The following PDE4A variants were observed in gnomAD, a reference collection of about 807,000 sequenced individuals.
PDE4A encodes the protein 3',5'-cyclic-AMP phosphodiesterase 4A.
In PDE4A, 21 loss-of-function variants were observed where a neutral mutation model predicts 73.9. The observed-to-expected ratio is 0.28, with a 90% CI of 0.20 to 0.41. The LOEUF (loss-of-function observed/expected upper bound fraction) is 0.41, where lower values mean the gene tolerates loss of function less well. Among genes scored for constraint, PDE4A ranks in the 10% least tolerant of loss-of-function variants. The pLI is 1.00. For missense variants in PDE4A, 958 were observed against 1,211.4 expected (o/e 0.79, Z 3.10); for synonymous variants, 463 against 505.4 (o/e 0.92, Z 1.13).
intron 1 of PDE4A, among the ~76,000 whole-genome samples, chr19:10,445,493 C>T (rs979289093): frequency 1.3e-5 from 2 of 152,020 alleles, no homozygotes; most frequent in Non-Finnish European, 2.9e-5. Flanking sequence ...CTTGGTTGGG[C>T]GCAGTGGCTC....
chr19:10,467,472 G>A lies in PDE4A; in HGVS notation c.2512G>A (p.Gly838Ser), dbSNP rs1288843141. The change falls in exon 15 of 15, where the codon GGC (glycine) becomes AGC (serine). Residue 838 changes from glycine (G) to serine (S), a missense_variant. Coordinates refer to ENST00000380702, the MANE Select transcript of PDE4A (RefSeq NM_001111307.2). ...TTCAGAGCATGCCCCGGGCCTCCCG[G>A]GCCTCCCCTCCACGGCGGCCGAGGT... Reference protein sequence around the residue: ...SVSEHAPGLPGLPSTAAEVEA... With the variant: ...SVSEHAPGLPSLPSTAAEVEA... The A allele has an allele frequency of 6.2e-7, 1 of 1,612,988 alleles. No individual in the cohort carries two copies. Among genetic ancestry groups the A allele is most frequent in the Non-Finnish European group, 8.5e-7 (1 of 1,179,780 alleles).
chr19:10,438,269 C>T (rs2042891899), intron 1 of PDE4A, among the ~76,000 whole-genome samples: 1 of 151,958 alleles, frequency 6.6e-6, no homozygotes, highest in African/African-American at 2.4e-5. Context: ...CGCACCACCA[C>T]ACCCAGCTAA....
intron 1 of PDE4A, among the ~76,000 whole-genome samples, chr19:10,428,146 G>A (rs1404545920): frequency 6.6e-6 from 1 of 152,126 alleles, no homozygotes; most frequent in Non-Finnish European, 1.5e-5. Context: ...GAGTCCAGGA[G>A]CTCAAGACCA....
chr19:10,450,611 C>T lies in PDE4A; in HGVS notation c.629C>T (p.Pro210Leu), dbSNP rs199502182. ...TTTTTTTTTTTCTGCAGGCGGTCCCCGCTGGGCGGCCCCACCCCTGTCTGC... is the reference window on the plus strand; with the variant it reads ...TTTTTTTTTTTCTGCAGGCGGTCCCTGCTGGGCGGCCCCACCCCTGTCTGC... ...NVPVPSNKRSPLGGPTPVCKA... is the reference protein window; with the variant it reads ...NVPVPSNKRSLLGGPTPVCKA... Residue 210 changes from proline to leucine, a missense_variant, in exon 5 of 15, where the codon CCG becomes CTG. Physicochemically the swap from Pro to Leu is moderately conservative, Grantham distance 98. Around this residue, in one of 3 missense-constraint regions of PDE4A, gnomAD observed 570 missense variants for 827.7 expected, o/e 0.69. Coordinates refer to ENST00000380702, the MANE Select transcript of PDE4A (RefSeq NM_001111307.2). 4 of 1,608,864 alleles carry T rather than the reference C, an allele frequency of 2.5e-6. No homozygotes were observed. Among genetic ancestry groups the T allele is most frequent in the East Asian group, 2.2e-5 (1 of 44,786 alleles).
chr19:10,450,058 T>C (rs2043067297), intron 4 of PDE4A, among the ~76,000 whole-genome samples: 2 of 152,150 alleles, frequency 1.3e-5, no homozygotes, highest in East Asian at 3.8e-4. Context: ...TTCCCACCAC[T>C]GCACTCCAGC....
rs200619896 is a variant in PDE4A, at chr19:10,459,709, G to T, written c.1315G>T (p.Ala439Ser). 2 of 1,614,160 alleles carry T rather than the reference G, an allele frequency of 1.2e-6. No individual in the cohort carries two copies. Among genetic ancestry groups the T allele is most frequent in the Non-Finnish European group, 1.7e-6 (2 of 1,180,028 alleles). The change falls in exon 10 of 15, where the codon GCT becomes TCT. Residue 439 changes from alanine to serine, a missense_variant. Transcript: ENST00000380702. Reference sequence around the variant, plus strand: ...GGCCTACCATAACAGCCTGCACGCAGCTGACGTGCTGCAGTCCACCCACGT... The same window carrying T: ...GGCCTACCATAACAGCCTGCACGCATCTGACGTGCTGCAGTCCACCCACGT... Reference protein sequence around the residue: ...DVAYHNSLHAADVLQSTHVLL... With the variant: ...DVAYHNSLHASDVLQSTHVLL...
At chr19:10,462,371 C>T (rs1208262518) in intron 13 of PDE4A, among the ~76,000 whole-genome samples, 1 of 152,126 alleles carries the variant, frequency 6.6e-6, no homozygotes, top group Non-Finnish European at 1.5e-5. Flanking sequence ...AGGCTGGTCT[C>T]GAACTCCCGA....
chr19:10,435,725 C>A (rs1679260330), intron 1 of PDE4A, among the ~76,000 whole-genome samples: 1 of 152,136 alleles, frequency 6.6e-6, no homozygotes, highest in South Asian at 2.1e-4. Flanking sequence ...TGGGTTGCAA[C>A]CTTGGGTCCC....
At chr19:10,459,244 A>G in intron 8 of PDE4A, 156 bp from the exon 9 acceptor site, 1 of 1,310,024 alleles carries the variant, frequency 7.6e-7, no homozygotes, top group Non-Finnish European at 1.0e-6. Context: ...GCAGCCCAGT[A>G]GGACGAGGGC....
Position 10,467,486 on chromosome 19 carries a change from G to T in PDE4A, c.2526G>T (p.Thr842=). The T allele has an allele frequency of 6.2e-7, 1 of 1,612,768 alleles. No individual in the cohort carries two copies. Among genetic ancestry groups the T allele is most frequent in the Non-Finnish European group, 8.5e-7 (1 of 1,179,728 alleles). ...CGGGCCTCCCGGGCCTCCCCTCCAC[G>T]GCGGCCGAGGTGGAGGCCCAACGAG... The part of the protein sequence containing the change: ...HAPGLPGLPS[T]AAEVEAQREH... Residue 842 remains threonine, a synonymous_variant, in exon 15 of 15, where the codon ACG becomes ACT. Transcript: ENST00000380702.
At chr19:10,447,282 A>G (rs1202320658) in intron 2 of PDE4A, among the ~76,000 whole-genome samples, 11 of 111,622 alleles carry the variant, frequency 9.9e-5, no homozygotes, top group African/African-American at 4.0e-4. Context: ...CTGGAGTGCA[A>G]TGGTGCAATC....
chr19:10,448,980 G>C, intron 3 of PDE4A, 27 bp downstream of exon 3: 4 of 1,612,920 alleles, frequency 2.5e-6, no homozygotes, highest in Non-Finnish European at 3.4e-6. Flanking sequence ...AATGGTTAAG[G>C]AGAGAAGGGG....
In PDE4A at chr19:10,447,584, G is replaced by T. The variant is rs188493410; in HGVS notation, c.512+1175G>T. ...GGGTCTCACTATGTTGCCTAGACTGGTCTCAAACTCCTGGGCTCAAGCGAT... is the reference window on the plus strand; with the variant it reads ...GGGTCTCACTATGTTGCCTAGACTGTTCTCAAACTCCTGGGCTCAAGCGAT... On this transcript the variant is annotated intron_variant, in intron 2 of 14. Coordinates refer to ENST00000380702, the MANE Select transcript of PDE4A (RefSeq NM_001111307.2). 2.6e-5 allele frequency among the ~76,000 whole-genome samples: 4 copies of T among 151,144 alleles called. 1 individual carries two copies. Among genetic ancestry groups the T allele is most frequent in the African/African-American group, 9.7e-5 (4 of 41,160 alleles).
rs1194558585 is a variant in PDE4A at position 10,449,354 on chromosome 19, GTTT to G, written c.620+208_620+210del. 4.2e-5 allele frequency among the ~76,000 whole-genome samples: 6 copies of G among 141,614 alleles called. 1 individual carries two copies. Among genetic ancestry groups the G allele is most frequent in the South Asian group, 2.1e-4 (1 of 4,746 alleles). The allele number at this position is 141,614 out of a possible 152,430, so 92.9% of individuals were successfully genotyped here. A position where few individuals can be genotyped will look rare whatever the true frequency, so the allele number is the denominator to read the frequency against. ...TTTTTTGTTTGTTTGTTTGTTTTTT[GTTT>G]TTTGTTTGTTTGTTTGTTTTGAGAT... On this transcript the variant is annotated intron_variant, in intron 4 of 14. Coordinates refer to ENST00000380702, the MANE Select transcript of PDE4A (RefSeq NM_001111307.2).
intron 8 of PDE4A, 52 bp from the exon 9 acceptor site, chr19:10,459,348 C>T: frequency 1.2e-6 from 2 of 1,613,372 alleles, no homozygotes; most frequent in Non-Finnish European, 1.7e-6. Flanking sequence ...GAAATGTTCT[C>T]CAGGGCCCTG....
intron 1 of PDE4A, among the ~76,000 whole-genome samples, chr19:10,435,148 G>A (rs1048026881): frequency 2.6e-5 from 4 of 151,996 alleles, no homozygotes; most frequent in East Asian, 3.9e-4. Flanking sequence ...ACTCTCCCTG[G>A]GCTGCATAGC....
At position 10,420,604 on chromosome 19, in the gene PDE4A, C is replaced by G; in HGVS notation, c.-161C>G. The G allele has an allele frequency of 7.7e-7, 1 of 1,295,530 alleles. No individual in the cohort carries two copies. The allele number at this position is 1,295,530 out of a possible 1,614,324, so 80.3% of individuals were successfully genotyped here. A position where few individuals can be genotyped will look rare whatever the true frequency, so the allele number is the denominator to read the frequency against. ...GAAGCTGCAGAGCCCGGCCCGGGGGCGATTGGCCCGCAGCGCCCCCGGGTC... is the reference window on the plus strand; with the variant it reads ...GAAGCTGCAGAGCCCGGCCCGGGGGGGATTGGCCCGCAGCGCCCCCGGGTC... On this transcript the variant is annotated 5_prime_UTR_variant, in exon 1 of 15. Coordinates refer to ENST00000380702, the MANE Select transcript of PDE4A (RefSeq NM_001111307.2). The surrounding 1 kb of genome is among the most constrained non-coding windows in gnomAD (Gnocchi z 6.0).
intron 1 of PDE4A, among the ~76,000 whole-genome samples, chr19:10,432,173 A>C: frequency 1.6e-4 from 1 of 6,404 alleles, no homozygotes; most frequent in African/African-American, 6.0e-4. Context: ...AGGAGGGAGG[A>C]GACGGGGGGG....
chr19:10,455,521 C>T (rs1276707671), intron 7 of PDE4A, among the ~76,000 whole-genome samples: 2 of 151,264 alleles, frequency 1.3e-5, no homozygotes, highest in African/African-American at 4.9e-5. Context: ...GTAATCTCAG[C>T]TACTTGGGAG....
Sources: allele counts gnomAD v4.1 joint callset (sites outside exome capture counted in the v4.1 genomes callset), GRCh38; gene constraint gnomAD v4.1.1; regional missense constraint gnomAD v4.1.1; non-coding constraint Gnocchi (gnomAD v3.1); transcripts MANE v1.5; gene names NCBI Gene and HGNC (gene_info 2026-07-23, HGNC 2026-07-21).